SLC12A8: variants seen among roughly 807,000 people sequenced by gnomAD.
SLC12A8 encodes solute carrier family 12 member 8.
Under a neutral mutation model 75.6 loss-of-function variants are expected in SLC12A8, and 69 were observed. The observed-to-expected ratio is 0.91, with a 90% confidence interval of 0.75 to 1.11. The LOEUF is 1.11. Ranked by LOEUF, SLC12A8 falls within the 50% of genes most tolerant of loss-of-function variation. SLC12A8 has a pLI of 0.00. For synonymous variants in SLC12A8, 365 were observed against 372.8 expected, an observed-to-expected ratio of 0.98 and a Z score of 0.24; for missense variants, 877 against 896.7, an observed-to-expected ratio of 0.98 and a Z score of 0.28.
At chr3:125,099,207 A>T (rs1286461250) in intron 10 of SLC12A8, among the ~76,000 whole-genome samples, 1 of 152,076 alleles carries the variant, frequency 6.6e-6, no homozygotes, top group Non-Finnish European at 1.5e-5. Flanking sequence ...GGCAACTCCT[A>T]GGAAGCAAGG....
rs535514603 is a variant in SLC12A8 at position 125,084,054 on chromosome 3, T to G, written c.1983-2A>C. ...TGCTCCTGAGGGGACCGCAAGCTCC[T>G]GCAGTGAGAGAGACACAGAGGATGG... is the stretch of plus-strand genomic sequence containing the variant. On this transcript the variant is annotated splice_acceptor_variant, in intron 13 of 13. Coordinates refer to ENST00000469902, the MANE Select transcript of SLC12A8 (RefSeq NM_024628.6). LOFTEE classifies it high-confidence loss of function. 2.4e-5 allele frequency: 38 copies of G among 1,609,572 alleles called. No individual in the cohort carries two copies. The highest frequency in any genetic ancestry group is 3.1e-5 in the Non-Finnish European group (36 of 1,178,052).
chr3:125,169,503 T>A (rs993031465), intron 5 of SLC12A8, among the ~76,000 whole-genome samples: 1 of 151,750 alleles, frequency 6.6e-6, no homozygotes, highest in African/African-American at 2.4e-5. Context: ...AGAGTGAGGG[T>A]GACAGGGGAA....
chr3:125,107,269 A>T (rs1698734867), intron 10 of SLC12A8, among the ~76,000 whole-genome samples: 1 of 152,252 alleles, frequency 6.6e-6, no homozygotes, highest in Admixed American at 6.5e-5. Context: ...ACAGGAGTAG[A>T]TAGAAATTTC....
Position 125,110,668 on chromosome 3 carries a change from C to T in SLC12A8, c.913-333G>A, listed in dbSNP as rs188053090. 149 of 194,814 alleles carry T rather than the reference C, an allele frequency of 7.6e-4. 1 individual carries two copies. Among genetic ancestry groups the T allele is most frequent in the Non-Finnish European group, 1.3e-4 (12 of 95,200 alleles). 12.1% of individuals were successfully genotyped at this position (194,814 alleles called of 1,614,324 possible). A position where few individuals can be genotyped will look rare whatever the true frequency, so the allele number is the denominator to read the frequency against. On this transcript the variant is annotated intron_variant, in intron 8 of 13. Coordinates refer to ENST00000469902, the MANE Select transcript of SLC12A8 (RefSeq NM_024628.6). ...GGGTGGGGCCTAGAAATCTGGATTC[C>T]GCATGCGTTCCCAGAGACCACACTT...
At chr3:125,126,307 G>A (rs1465795823) in intron 6 of SLC12A8, among the ~76,000 whole-genome samples, 2 of 152,178 alleles carry the variant, frequency 1.3e-5, no homozygotes, top group Non-Finnish European at 2.9e-5. Flanking sequence ...CTACAGTTTC[G>A]ATGGATGGCA....
At position 125,199,058 on chromosome 3, in the gene SLC12A8, G is replaced by A. The variant is rs549896884; in HGVS notation, c.52-8537C>T. On this transcript the variant is annotated intron_variant, in intron 2 of 13. Coordinates refer to ENST00000469902, the MANE Select transcript of SLC12A8 (RefSeq NM_024628.6). ...CTCCCAAAGTGCTGGGATTATAGGC[G>A]TGAGCCACCATGCCCGGCTGACAAT... Among the ~76,000 whole-genome samples the A allele has an allele frequency of 2.7e-4, 41 of 152,222 alleles. No homozygotes were observed. The South Asian group carries it at 3.5e-3, about 13-fold the overall frequency.
intron 2 of SLC12A8, among the ~76,000 whole-genome samples, chr3:125,203,471 A>G (rs1935167123): frequency 6.6e-6 from 1 of 152,224 alleles, no homozygotes; most frequent in Non-Finnish European, 1.5e-5. Flanking sequence ...CAAAGGTGCC[A>G]AGGACATATA....
rs756474667 is a variant in SLC12A8 at position 125,083,951 on chromosome 3, G to A, written c.2084C>T (p.Thr695Ile). The change falls in exon 14 of 14, where the codon ACT becomes ATT. Residue 695 changes from threonine (T) to isoleucine (I), a missense_variant. Transcript: ENST00000469902. Reference sequence around the variant, plus strand: ...GGAGGAGTGGTGGTAGCGATCCCGAGTGGCGAAGTCTGCATTCTCCTGGGT... The same window carrying A: ...GGAGGAGTGGTGGTAGCGATCCCGAATGGCGAAGTCTGCATTCTCCTGGGT... ...QLTQENADFA[T>I]RDRYHHSSLV... 2 of 1,613,790 alleles carry A rather than the reference G, an allele frequency of 1.2e-6. No homozygotes were observed. The highest frequency in any genetic ancestry group is 1.7e-6 in the Non-Finnish European group (2 of 1,179,934).
intron 5 of SLC12A8, among the ~76,000 whole-genome samples, chr3:125,155,644 G>A (rs71325816): frequency 0.033 from 2,369 of 71,636 alleles, 57 homozygotes; most frequent in Middle Eastern, 0.14. Flanking sequence ...CCAGCTACTC[G>A]GGAGGCTGAG....
At chr3:125,199,055 GGC>G (rs1332328680) in intron 2 of SLC12A8, among the ~76,000 whole-genome samples, 3 of 152,248 alleles carry the variant, frequency 2.0e-5, no homozygotes, top group South Asian at 2.1e-4. Context: ...TGGGATTATA[GGC>G]GTGAGCCACC....
At chr3:125,177,210 C>T (rs1185396137) in intron 5 of SLC12A8, among the ~76,000 whole-genome samples, 1 of 151,004 alleles carries the variant, frequency 6.6e-6, no homozygotes, top group Non-Finnish European at 1.5e-5. Flanking sequence ...TCATTCTCAG[C>T]AAACTATCGC....
chr3:125,172,301 GTTCTCTCTCTCTCTCCCTCTCCCTCT>G (rs1560075376), intron 5 of SLC12A8, among the ~76,000 whole-genome samples: 1 of 149,034 alleles, frequency 6.7e-6, no homozygotes, highest in Non-Finnish European at 1.5e-5. Flanking sequence ...CATCTTCTCT[GTTCTCTCTCTCTCTCCCTCTCCCTCT>G]TTCTCTCTCT....
At chr3:125,165,108 A>G (rs9852163) in intron 5 of SLC12A8, among the ~76,000 whole-genome samples, 20,359 of 152,172 alleles carry the variant, frequency 0.13, 3,028 homozygotes, top group African/African-American at 0.37. Context: ...AGGGGAAAGC[A>G]ACCCAGCCCA....
At chr3:125,090,035 A>G (rs1221280247) in intron 12 of SLC12A8, among the ~76,000 whole-genome samples, 1 of 151,934 alleles carries the variant, frequency 6.6e-6, no homozygotes, top group Non-Finnish European at 1.5e-5. Flanking sequence ...GTTATGTAAT[A>G]TTCTTTAGTT....
intron 6 of SLC12A8, among the ~76,000 whole-genome samples, chr3:125,134,488 A>G (rs1933440861): frequency 6.6e-6 from 1 of 152,186 alleles, no homozygotes; most frequent in African/African-American, 2.4e-5. Flanking sequence ...CCTGTTGATG[A>G]ACATTCAAGC....
At chr3:125,176,304 C>T (rs975002324) in intron 5 of SLC12A8, among the ~76,000 whole-genome samples, 1 of 152,148 alleles carries the variant, frequency 6.6e-6, no homozygotes, top group Non-Finnish European at 1.5e-5. Flanking sequence ...CTCCTGACTT[C>T]AGGTGATCCA....
intron 5 of SLC12A8, among the ~76,000 whole-genome samples, chr3:125,149,263 T>G (rs1412156127): frequency 6.6e-6 from 1 of 152,226 alleles, no homozygotes; most frequent in Non-Finnish European, 1.5e-5. Flanking sequence ...CACGGCCTCT[T>G]CAGCCCATGG....
intron 8 of SLC12A8, among the ~76,000 whole-genome samples, chr3:125,115,707 T>C (rs1939293521): frequency 6.6e-6 from 1 of 152,024 alleles, no homozygotes; most frequent in Non-Finnish European, 1.5e-5. Context: ...AAGATAATTG[T>C]TCTGGCAGAA....
chr3:125,120,566 T>C, intron 7 of SLC12A8, 33 bp downstream of exon 7: 5 of 1,524,590 alleles, frequency 3.3e-6, no homozygotes, highest in South Asian at 1.1e-5. Context: ...TCCCACTCTC[T>C]AGCTCAGACT....
Sources: gnomAD v4.1 joint callset for allele counts (sites outside exome capture counted in the v4.1 genomes callset) on GRCh38, gnomAD v4.1.1 for gene constraint, MANE v1.5 for transcripts, NCBI Gene and HGNC (gene_info 2026-07-23, HGNC 2026-07-21) for gene names.